The following ERAP2 variants were observed in gnomAD, a reference collection of about 807,000 sequenced individuals.
The protein encoded by ERAP2 is leukocyte-derived arginine aminopeptidase.
Under a neutral mutation model 111.1 loss-of-function variants are expected in ERAP2, and 118 were observed. The observed-to-expected ratio is 1.06, with a 90% CI of 0.92 to 1.24. The LOEUF (loss-of-function observed/expected upper bound fraction) is 1.24. Among genes scored for constraint, ERAP2 ranks in the 50% most tolerant of loss-of-function variants. ERAP2 has a pLI of 0.00. For synonymous variants in ERAP2, 410 were observed against 401.2 expected (o/e 1.02, Z -0.26); for missense variants, 1,131 against 1,125.8 (o/e 1.00, Z -0.07).
chr5:96,897,588 A>G (rs1473629707), intron 9 of ERAP2, among the ~76,000 whole-genome samples: 1 of 152,184 alleles, frequency 6.6e-6, no homozygotes, highest in East Asian at 1.9e-4. Flanking sequence ...ATCTTATAAT[A>G]GTGATTAATA....
At position 96,896,945 on chromosome 5, in the gene ERAP2, T is replaced by C. The variant is rs982823007; in HGVS notation, c.1503+82T>C. 5.7e-6 allele frequency: 8 copies of C among 1,391,682 alleles called. No individual in the cohort carries two copies. In the African/African-American group the frequency reaches 1.2e-4, roughly 21 times the overall value. The allele number at this position is 1,391,682 out of a possible 1,614,324, so 86.2% of individuals were successfully genotyped here. On this transcript the variant is annotated intron_variant, in intron 9 of 18. Transcript: ENST00000437043. Reference sequence around the variant, plus strand: ...AATTGTGAATGTTTATAAATAGCTATATATTGTCAGTCAACCATATTTATT... The same window carrying C: ...AATTGTGAATGTTTATAAATAGCTACATATTGTCAGTCAACCATATTTATT...
intron 10 of ERAP2, 70 bp from the exon 11 acceptor site, chr5:96,901,436 G>T: frequency 1.3e-6 from 2 of 1,518,308 alleles, no homozygotes; most frequent in East Asian, 2.3e-5. Flanking sequence ...CAAGGAGATG[G>T]AAGTTTCTGT....
In ERAP2 at chr5:96,918,761, G is replaced by C. The variant is rs561187298; in HGVS notation, c.*1156G>C. On this transcript the variant is annotated 3_prime_UTR_variant, in exon 19 of 19. Coordinates refer to ENST00000437043, the MANE Select transcript of ERAP2 (RefSeq NM_022350.5). ...CTATTGCATTTTTAATAAATCTTTT[G>C]AAATTTGCAGAATTAGATTGTATTG... 6.6e-6 allele frequency: 1 copy of C among 152,218 alleles called. No individual in the cohort carries two copies. Among genetic ancestry groups the C allele is most frequent in the East Asian group, 1.9e-4 (1 of 5,192 alleles). 9.4% of individuals were successfully genotyped at this position (152,218 alleles called of 1,614,324 possible).
chr5:96,887,055 G>A (rs1467087327), intron 4 of ERAP2, among the ~76,000 whole-genome samples: 3 of 130,116 alleles, frequency 2.3e-5, no homozygotes, highest in Admixed American at 8.0e-5. Context: ...TACTATATAT[G>A]TAAAGGTAAT....
At chr5:96,886,537 G>A (rs977816213) in intron 3 of ERAP2, 118 bp from the exon 4 acceptor site, 1 of 758,826 alleles carries the variant, frequency 1.3e-6, no homozygotes, top group African/African-American at 1.8e-5. Flanking sequence ...CCCCTAGGAG[G>A]TCATCGATTG....
chr5:96,909,892 C>T (rs900308036), intron 15 of ERAP2, 128 bp downstream of exon 15: 40 of 890,318 alleles, frequency 4.5e-5, no homozygotes, highest in South Asian at 4.3e-4. Context: ...GCATTACAAA[C>T]CCTGTTTCAT....
rs753603784 is a variant in ERAP2 at position 96,909,133 on chromosome 5, A to G, written c.2169+16A>G. On this transcript the variant is annotated intron_variant, in intron 14 of 18. Transcript: ENST00000437043. The stretch of plus-strand genomic sequence containing the variant: ...AAACCTCAAGGTTTGTGTTGCTTTT[A>G]GAAAATGTATTAAGTAAATACACAG... 5.0e-6 allele frequency: 8 copies of G among 1,612,114 alleles called. No homozygotes were observed. The highest frequency in any genetic ancestry group is 2.2e-5 in the East Asian group (1 of 44,882).
intron 2 of ERAP2, chr5:96,881,272 CAGTAGTTCAGGTA>C (rs1463965084): frequency 2.6e-6 from 1 of 385,186 alleles, no homozygotes; most frequent in African/African-American, 2.1e-5. Flanking sequence ...GAGGTCATTG[CAGTAGTTCAGGTA>C]AGAAGTGATG....
At chr5:96,880,316 C>T (rs1783000697) in intron 2 of ERAP2, 56 bp downstream of exon 2, 8 of 1,457,502 alleles carry the variant, frequency 5.5e-6, no homozygotes, top group Non-Finnish European at 7.4e-6. Flanking sequence ...TTACGAGTTA[C>T]ATCTCTTTGC....
At chr5:96,909,195 T>C in intron 14 of ERAP2, 78 bp downstream of exon 14, 3 of 1,419,440 alleles carry the variant, frequency 2.1e-6, no homozygotes, top group Non-Finnish European at 3.0e-6. Context: ...TTGTTTTGTG[T>C]GAAGTCCTTG....
intron 8 of ERAP2, 54 bp from the exon 9 acceptor site, chr5:96,896,678 C>T: frequency 6.6e-7 from 1 of 1,508,092 alleles, no homozygotes. Context: ...TAAAAACATA[C>T]CATACTACCA....
intron 17 of ERAP2, 43 bp from the exon 18 acceptor site, chr5:96,915,645 C>A (rs1185781211): frequency 1.7e-6 from 2 of 1,178,146 alleles, no homozygotes; most frequent in Non-Finnish European, 2.4e-6. Flanking sequence ...AACATAAGGT[C>A]AGTATTTCTA....
At position 96,901,503 on chromosome 5, in the gene ERAP2, C is replaced by T. The variant is rs775797068; in HGVS notation, c.1573-3C>T. The T allele has an allele frequency of 2.5e-6, 4 of 1,612,908 alleles. No homozygotes were observed. In the Admixed American group the frequency reaches 6.7e-5, roughly 27 times the overall value. Reference sequence around the variant, plus strand: ...GAGTTATCATAGTCACCTGTCATTTCAGCTCGCCTTTCTGGGGGAAAATGC... The same window carrying T: ...GAGTTATCATAGTCACCTGTCATTTTAGCTCGCCTTTCTGGGGGAAAATGC... On this transcript the variant is annotated splice_polypyrimidine_tract_variant and splice_region_variant and intron_variant, in intron 10 of 18. Coordinates refer to ENST00000437043, the MANE Select transcript of ERAP2 (RefSeq NM_022350.5).
At chr5:96,902,189 C>T in intron 11 of ERAP2, 85 bp from the exon 12 acceptor site, 1 of 926,408 alleles carries the variant, frequency 1.1e-6, no homozygotes, top group South Asian at 1.4e-5. Context: ...ACTTAGGTGC[C>T]TTTTACAGTC....
chr5:96,910,492 ATTCTC>A (rs1786608972), intron 15 of ERAP2, among the ~76,000 whole-genome samples: 3 of 151,834 alleles, frequency 2.0e-5, no homozygotes, highest in Admixed American at 2.0e-4. Context: ...TAAATCTATT[ATTCTC>A]TTCTTTTTGT....
In ERAP2 at chr5:96,879,583, A is replaced by C; in HGVS notation, c.-103A>C. The C allele has an allele frequency of 5.0e-6, 4 of 807,704 alleles. No individual in the cohort carries two copies. The highest frequency in any genetic ancestry group is 5.9e-6 in the Non-Finnish European group (3 of 508,928). 50.0% of individuals were successfully genotyped at this position (807,704 alleles called of 1,614,324 possible). On this transcript the variant is annotated 5_prime_UTR_variant, in exon 2 of 19. Transcript: ENST00000437043. ...TTCTAGATTAAATTCATGTATTGAAAATATTGTTCAGACCCCATGTGACAT... is the reference window on the plus strand; with the variant it reads ...TTCTAGATTAAATTCATGTATTGAACATATTGTTCAGACCCCATGTGACAT...
chr5:96,892,562 G>A, intron 6 of ERAP2, 109 bp downstream of exon 6: 2 of 1,288,122 alleles, frequency 1.6e-6, no homozygotes, highest in South Asian at 1.4e-5. Flanking sequence ...CTCTAGAGGG[G>A]AACTTAGAGA....
intron 11 of ERAP2, 134 bp downstream of exon 11, chr5:96,901,815 T>G: frequency 1.2e-6 from 1 of 851,958 alleles, no homozygotes; most frequent in Non-Finnish European, 1.8e-6. Context: ...TAAAGTAGAC[T>G]TGATAAGATT....
intron 4 of ERAP2, 148 bp from the exon 5 acceptor site, chr5:96,889,037 C>A: frequency 1.1e-6 from 1 of 931,572 alleles, no homozygotes; most frequent in Non-Finnish European, 1.6e-6. Flanking sequence ...TTCACAGAAC[C>A]TCTTATCCTT....
Sources: gnomAD v4.1 joint callset for allele counts (sites outside exome capture counted in the v4.1 genomes callset) on GRCh38, gnomAD v4.1.1 for gene constraint, MANE v1.5 for transcripts, NCBI Gene and HGNC (gene_info 2026-07-23, HGNC 2026-07-21) for gene names.